Variants in PTPN4 observed in about 807,000 individuals in gnomAD.
PTPN4 encodes protein tyrosine phosphatase non-receptor type 4.
A neutral mutation model predicts 135.5 loss-of-function variants in PTPN4; 49 were observed. The ratio of observed to expected loss-of-function variants is 0.36; its 90% CI spans 0.29 to 0.46. PTPN4 has a LOEUF of 0.46. PTPN4 is among the 20% of genes least tolerant of loss of function. PTPN4 has a pLI of 1.00. For synonymous variants in PTPN4, 333 were observed against 369.9 expected (o/e 0.90, Z 1.14); for missense variants, 860 against 1,101.0 (o/e 0.78, Z 3.10).
rs772401777 is a variant in PTPN4, at chr2:119,858,867, C to G, written c.139-3669C>G. On this transcript the variant is annotated intron_variant, in intron 2 of 26. Coordinates refer to ENST00000263708, the MANE Select transcript of PTPN4 (RefSeq NM_002830.4). ...GCCAGGATGATCTTGATCTCCTGAC[C>G]TCGTAATCTGCCCACCTCAGCCTCC... Among the ~76,000 whole-genome samples the G allele has an allele frequency of 2.2e-4, 33 of 152,200 alleles. No homozygotes were observed. The South Asian group carries it at 2.5e-3, about 11-fold the overall frequency.
chr2:119,836,194 A>C (rs1677289793), intron 2 of PTPN4, among the ~76,000 whole-genome samples: 1 of 152,238 alleles, frequency 6.6e-6, no homozygotes, highest in Admixed American at 6.5e-5. Context: ...CACTACACAC[A>C]TGGAGACTTC....
At chr2:119,779,776 C>G (rs1424668883) in intron 1 of PTPN4, among the ~76,000 whole-genome samples, 3 of 152,128 alleles carry the variant, frequency 2.0e-5, no homozygotes, top group Non-Finnish European at 2.9e-5. Flanking sequence ...GACACGGTCT[C>G]TCTTTGTCTC....
intron 12 of PTPN4, among the ~76,000 whole-genome samples, chr2:119,920,735 T>C (rs965252722): frequency 1.3e-5 from 2 of 152,186 alleles, no homozygotes; most frequent in African/African-American, 4.8e-5. Flanking sequence ...CCAGGTTCCA[T>C]TTCCTAAAAT....
intron 2 of PTPN4, among the ~76,000 whole-genome samples, chr2:119,830,469 C>G (rs1452608683): frequency 6.6e-6 from 1 of 151,894 alleles, no homozygotes; most frequent in Non-Finnish European, 1.5e-5. Flanking sequence ...AACACCTCTG[C>G]CCTCTCTCTC....
chr2:119,901,470 C>G (rs1393661294), intron 10 of PTPN4, among the ~76,000 whole-genome samples: 1 of 152,202 alleles, frequency 6.6e-6, no homozygotes, highest in African/African-American at 2.4e-5. Flanking sequence ...GGTTTGTACA[C>G]AAACATTAAA....
intron 1 of PTPN4, among the ~76,000 whole-genome samples, chr2:119,795,666 C>T (rs1298217435): frequency 6.6e-6 from 1 of 152,228 alleles, no homozygotes; most frequent in Non-Finnish European, 1.5e-5. Context: ...TCCTGGGTCC[C>T]CCAAGATTGC....
Position 119,932,549 on chromosome 2 carries a change from A to G in PTPN4, c.1196A>G (p.His399Arg). Residue 399 changes from histidine to arginine, a missense_variant and splice_region_variant, in exon 14 of 27, where the codon CAT (histidine) becomes CGT (arginine). Physicochemically the swap from His to Arg is conservative, Grantham distance 29. Around this residue, in one of 2 missense-constraint regions of PTPN4, gnomAD observed 684 missense variants for 807.0 expected, o/e 0.85. Coordinates refer to ENST00000263708, the MANE Select transcript of PTPN4 (RefSeq NM_002830.4). ...PSRSPPGTPN[H>R]RNSTFTQEGT... is the part of the protein sequence containing the mutation. ...CGATCTCCACCGGGAACTCCTAATC[A>G]GTAAGTGTGAATTTTGTGACCAACA... 7 of 1,598,366 alleles carry G rather than the reference A, an allele frequency of 4.4e-6. No homozygotes were observed. Among genetic ancestry groups the G allele is most frequent in the Non-Finnish European group, 6.0e-6 (7 of 1,173,556 alleles).
chr2:119,924,815 C>T (rs931713776), intron 12 of PTPN4, among the ~76,000 whole-genome samples: 1 of 151,970 alleles, frequency 6.6e-6, no homozygotes, highest in African/African-American at 2.4e-5. Flanking sequence ...ATTAAGGTAT[C>T]AGTCAGAGTT....
At chr2:119,959,046 T>A (rs1389180513) in intron 22 of PTPN4, among the ~76,000 whole-genome samples, 5 of 152,174 alleles carry the variant, frequency 3.3e-5, no homozygotes, top group Non-Finnish European at 7.4e-5. Context: ...AGTTGGTTTG[T>A]TTGATCTCAC....
intron 2 of PTPN4, among the ~76,000 whole-genome samples, chr2:119,846,517 G>T (rs1677501133): frequency 6.6e-6 from 1 of 151,234 alleles, no homozygotes; most frequent in Admixed American, 6.6e-5. Flanking sequence ...TGAAAGAAAA[G>T]TGTGTCTTTC....
intron 20 of PTPN4, 55 bp from the exon 21 acceptor site, chr2:119,956,789 A>C (rs1679293815): frequency 6.3e-7 from 1 of 1,576,982 alleles, no homozygotes; most frequent in Non-Finnish European, 8.5e-7. Context: ...TGGTAAACAA[A>C]AGAGAAATTG....
At chr2:119,918,187 A>G (rs1267837571) in intron 11 of PTPN4, among the ~76,000 whole-genome samples, 1 of 152,226 alleles carries the variant, frequency 6.6e-6, no homozygotes, top group Non-Finnish European at 1.5e-5. Flanking sequence ...TGTTTTAAGC[A>G]TATTCCCTTC....
chr2:119,940,277 TA>T (rs1679042267), intron 15 of PTPN4, among the ~76,000 whole-genome samples: 1 of 152,228 alleles, frequency 6.6e-6, no homozygotes, highest in Admixed American at 6.5e-5. Context: ...ACACTGTCAT[TA>T]TCAGAATAAA....
intron 2 of PTPN4, among the ~76,000 whole-genome samples, chr2:119,842,679 G>T (rs986696168): frequency 6.6e-6 from 1 of 152,148 alleles, no homozygotes; most frequent in Non-Finnish European, 1.5e-5. Flanking sequence ...GTAATTGTAG[G>T]TTCACAGGAT....
chr2:119,933,366 G>A (rs1025812994), intron 14 of PTPN4, among the ~76,000 whole-genome samples: 1 of 152,054 alleles, frequency 6.6e-6, no homozygotes, highest in Admixed American at 6.6e-5. Flanking sequence ...ACACATTAAT[G>A]TTTAATAAAT....
Position 119,900,798 on chromosome 2 carries a change from C to T in PTPN4, c.756C>T (p.Thr252=). The T allele has an allele frequency of 1.9e-6, 3 of 1,541,666 alleles. No homozygotes were observed. Among genetic ancestry groups the T allele is most frequent in the Non-Finnish European group, 2.6e-6 (3 of 1,132,162 alleles). Residue 252 remains threonine (T), a synonymous_variant, in exon 10 of 27, where the codon ACC becomes ACT. Transcript: ENST00000263708. The part of the protein sequence containing the change: ...LIYKNRVRMN[T]FPWLKIVKIS... Reference sequence around the variant, plus strand: ...ATAAGAACAGGGTACGAATGAATACCTTTCCATGGTAAGAACATCTATTGA... The same window carrying T: ...ATAAGAACAGGGTACGAATGAATACTTTTCCATGGTAAGAACATCTATTGA...
At chr2:119,916,838 A>G (rs939581316) in intron 11 of PTPN4, 2 of 152,216 alleles carry the variant, frequency 1.3e-5, no homozygotes, top group African/African-American at 4.8e-5. Flanking sequence ...TGCATATAAC[A>G]TTAGTTCGTT....
chr2:119,954,700 G>A (rs372132459), intron 19 of PTPN4, among the ~76,000 whole-genome samples: 1 of 152,184 alleles, frequency 6.6e-6, no homozygotes, highest in African/African-American at 2.4e-5. Context: ...CTCATTTATA[G>A]TCTGGCCTCC....
chr2:119,947,795 A>G (rs1214840488), intron 18 of PTPN4, among the ~76,000 whole-genome samples: 1 of 102,090 alleles, frequency 9.8e-6, no homozygotes. Context: ...CACACACATC[A>G]GATTGTGACT....
Sources: allele counts gnomAD v4.1 joint callset (sites outside exome capture counted in the v4.1 genomes callset), GRCh38; gene constraint gnomAD v4.1.1; regional missense constraint gnomAD v4.1.1; transcripts MANE v1.5; gene names NCBI Gene and HGNC (gene_info 2026-07-23, HGNC 2026-07-21).